Variants in FANCC observed in about 807,000 individuals in gnomAD.
FANCC encodes the protein Fanconi anemia group C protein.
A neutral mutation model predicts 71.3 loss-of-function variants in FANCC; 55 were observed. That is an observed-to-expected ratio of 0.77 (90% CI 0.62 to 0.97). The LOEUF (loss-of-function observed/expected upper bound fraction) is 0.97. FANCC is among the 50% of genes least tolerant of loss of function. The pLI is 0.00. For missense variants in FANCC, 678 were observed against 670.9 expected, an observed-to-expected ratio of 1.01 and a Z score of -0.12; for synonymous variants, 275 against 244.9, an observed-to-expected ratio of 1.12 and a Z score of -1.15.
At chr9:95,105,126 A>G (rs1299115130) in intron 14 of FANCC, among the ~76,000 whole-genome samples, 1 of 152,156 alleles carries the variant, frequency 6.6e-6, no homozygotes, top group Non-Finnish European at 1.5e-5. Context: ...GCCCTGGGCC[A>G]CCCTCATGAC....
chr9:95,248,163 T>C (rs182537657), intron 2 of FANCC, among the ~76,000 whole-genome samples: 31 of 152,368 alleles, frequency 2.0e-4, no homozygotes, highest in African/African-American at 7.5e-4. Flanking sequence ...ATGCATGCTA[T>C]TGTACAACCG....
At chr9:95,140,206 C>A (rs1201586962) in intron 7 of FANCC, among the ~76,000 whole-genome samples, 2 of 152,030 alleles carry the variant, frequency 1.3e-5, no homozygotes, top group African/African-American at 4.8e-5. Context: ...CAGTAGGCTT[C>A]CAGTCAGGGC....
At chr9:95,299,060 G>C (rs1351083687) in intron 1 of FANCC, among the ~76,000 whole-genome samples, 3 of 152,274 alleles carry the variant, frequency 2.0e-5, no homozygotes, top group Admixed American at 1.3e-4. Flanking sequence ...TTCTATTTAA[G>C]TGTTGACAGA....
chr9:95,121,944 G>T (rs1335135706), intron 10 of FANCC, among the ~76,000 whole-genome samples: 3 of 149,858 alleles, frequency 2.0e-5, no homozygotes, highest in Non-Finnish European at 4.4e-5. Context: ...TGCAAGCTCC[G>T]CCTCCCGGGT....
intron 6 of FANCC, among the ~76,000 whole-genome samples, chr9:95,167,232 T>C (rs1316236468): frequency 2.0e-5 from 3 of 152,316 alleles, no homozygotes; most frequent in African/African-American, 7.2e-5. Context: ...TTTTTCTTGC[T>C]GCTTTCAAGA....
At chr9:95,276,982 G>A (rs1588403750) in intron 1 of FANCC, among the ~76,000 whole-genome samples, 1 of 152,162 alleles carries the variant, frequency 6.6e-6, no homozygotes, top group East Asian at 1.9e-4. Flanking sequence ...TCTGTTTTTA[G>A]CACTGGTATT....
intron 4 of FANCC, among the ~76,000 whole-genome samples, chr9:95,234,582 C>T (rs1588326610): frequency 6.6e-6 from 1 of 152,308 alleles, no homozygotes; most frequent in African/African-American, 2.4e-5. Context: ...TAGCAAGATA[C>T]TTACAAGGCC....
At chr9:95,253,579 G>A (rs1197718797) in intron 1 of FANCC, among the ~76,000 whole-genome samples, 3 of 152,118 alleles carry the variant, frequency 2.0e-5, no homozygotes, top group African/African-American at 7.2e-5. Context: ...AAATAAGAAA[G>A]CTTCCTGTAT....
intron 1 of FANCC, among the ~76,000 whole-genome samples, chr9:95,279,947 CAAAAAAA>C (rs71498957): frequency 9.3e-5 from 6 of 64,768 alleles, no homozygotes; most frequent in East Asian, 4.4e-4. Context: ...GACTCTGTCT[CAAAAAAA>C]AAAAAAAAAA....
chr9:95,191,949 G>A (rs929647130), intron 4 of FANCC, among the ~76,000 whole-genome samples: 3 of 152,032 alleles, frequency 2.0e-5, no homozygotes, highest in East Asian at 1.9e-4. Context: ...TTCCTCCCCC[G>A]AGATCCATTT....
intron 4 of FANCC, among the ~76,000 whole-genome samples, chr9:95,215,781 C>G (rs1199398061): frequency 2.0e-5 from 3 of 152,220 alleles, no homozygotes; most frequent in Admixed American, 1.3e-4. Flanking sequence ...TCGGTATCAA[C>G]TAACGTCAGG....
intron 6 of FANCC, among the ~76,000 whole-genome samples, chr9:95,158,162 T>C: frequency 6.6e-6 from 1 of 152,146 alleles, no homozygotes; most frequent in Non-Finnish European, 1.5e-5. Context: ...CTATGCAATA[T>C]ATTCTGCTAG....
At chr9:95,208,190 C>T (rs1330225815) in intron 4 of FANCC, among the ~76,000 whole-genome samples, 1 of 137,714 alleles carries the variant, frequency 7.3e-6, no homozygotes, top group African/African-American at 2.7e-5. Context: ...CACTGCCTCC[C>T]GAGTTCAAGC....
chr9:95,099,332 C>G lies in FANCC; in HGVS notation c.*2375G>C, dbSNP rs2071005442. 4.4e-6 allele frequency: 1 copy of G among 227,092 alleles called. No homozygotes were observed. Among genetic ancestry groups the G allele is most frequent in the Non-Finnish European group, 8.7e-6 (1 of 114,342 alleles). The allele number at this position is 227,092 out of a possible 1,614,324, so 14.1% of individuals were successfully genotyped here. ...TGTCGCACCTCTGAAGACCTTGGTC[C>G]AGTTCCTTCCAGGGTGGCTTCACGC... On this transcript the variant is annotated 3_prime_UTR_variant, in exon 15 of 15. Transcript: ENST00000289081.
chr9:95,300,605 C>A (rs897382015), intron 1 of FANCC, among the ~76,000 whole-genome samples: 5 of 152,156 alleles, frequency 3.3e-5, no homozygotes, highest in African/African-American at 1.2e-4. Context: ...CAACTGCCAC[C>A]ACGCCTGGCT....
At chr9:95,123,510 G>A (rs779342590) in intron 10 of FANCC, 13 of 483,534 alleles carry the variant, frequency 2.7e-5, no homozygotes, top group East Asian at 5.9e-5. Flanking sequence ...CCTCCAGTCC[G>A]TGCCTCCAAT....
intron 7 of FANCC, among the ~76,000 whole-genome samples, chr9:95,146,487 C>CAAAAAAAA (rs61093923): frequency 1.5e-4 from 7 of 45,526 alleles, no homozygotes; most frequent in Non-Finnish European, 1.8e-4. Flanking sequence ...GACCCCATCT[C>CAAAAAAAA]AAAAAAAAAA....
intron 4 of FANCC, among the ~76,000 whole-genome samples, chr9:95,211,777 G>T (rs1464599946): frequency 1.3e-5 from 2 of 151,294 alleles, no homozygotes; most frequent in Non-Finnish European, 2.9e-5. Context: ...TGGCAGAGAT[G>T]ATGGAAGTAG....
intron 1 of FANCC, among the ~76,000 whole-genome samples, chr9:95,273,103 G>C (rs974377187): frequency 6.6e-6 from 1 of 152,180 alleles, no homozygotes; most frequent in Non-Finnish European, 1.5e-5. Context: ...TAAAGAAGCA[G>C]AAAACAGCAG....
Sources: allele counts gnomAD v4.1 joint callset (sites outside exome capture counted in the v4.1 genomes callset), GRCh38; gene constraint gnomAD v4.1.1; transcripts MANE v1.5; gene names NCBI Gene and HGNC (gene_info 2026-07-23, HGNC 2026-07-21).